PSMA1: variants seen among roughly 807,000 people sequenced by gnomAD.
PSMA1 encodes the protein proteasome 20S subunit alpha 1, also known as proteasome subunit alpha type-1.
A neutral mutation model predicts 38.4 loss-of-function variants in PSMA1; 3 were observed. That is an observed-to-expected ratio of 0.08 (90% CI 0.04 to 0.20). PSMA1 has a LOEUF of 0.20. PSMA1 is among the 10% of genes least tolerant of loss of function. The pLI, the probability that PSMA1 is intolerant of heterozygous loss-of-function variation, is 1.00. For missense variants in PSMA1, 227 were observed against 325.3 expected (o/e 0.70, Z 2.32); for synonymous variants, 101 against 107.1 (o/e 0.94, Z 0.35).
chr11:14,574,883 G>A (rs1852194072), intron 2 of PSMA1, among the ~76,000 whole-genome samples: 1 of 152,178 alleles, frequency 6.6e-6, no homozygotes, highest in African/African-American at 2.4e-5. Context: ...TACCACTATA[G>A]TGGGGTGCTG....
At chr11:14,547,894 G>A (rs1454625575) in intron 2 of PSMA1, among the ~76,000 whole-genome samples, 1 of 152,088 alleles carries the variant, frequency 6.6e-6, no homozygotes, top group Non-Finnish European at 1.5e-5. Flanking sequence ...TCCCTACTTG[G>A]CTAACTTGAA....
chr11:14,608,391 T>A (rs921208843), intron 2 of PSMA1, among the ~76,000 whole-genome samples: 4 of 151,306 alleles, frequency 2.6e-5, no homozygotes, highest in Non-Finnish European at 5.9e-5. Context: ...AAGGGGAACA[T>A]CACACACCAG....
At chr11:14,584,449 T>A (rs1852316206) in intron 2 of PSMA1, among the ~76,000 whole-genome samples, 1 of 151,996 alleles carries the variant, frequency 6.6e-6, no homozygotes, top group South Asian at 2.1e-4. Flanking sequence ...GGCATCAAAA[T>A]AAGTGTCAGT....
At chr11:14,593,621 A>C (rs968386591) in intron 2 of PSMA1, among the ~76,000 whole-genome samples, 4 of 58,464 alleles carry the variant, frequency 6.8e-5, no homozygotes, top group Non-Finnish European at 1.0e-4. Flanking sequence ...AATGAGAGAG[A>C]GAGAGAGAGA....
intron 2 of PSMA1, among the ~76,000 whole-genome samples, chr11:14,530,793 T>C (rs1851638725): frequency 6.6e-6 from 1 of 151,158 alleles, no homozygotes. Context: ...TCCTAGCTAC[T>C]TAGGAGGCTG....
At chr11:14,611,064 A>C in exon 2 of PSMA1, 1 of 1,491,722 alleles carries the variant, frequency 6.7e-7, no homozygotes, top group East Asian at 2.3e-5. Flanking sequence ...GTCTTTTCCC[A>C]GCCTTGGAGG....
At chr11:14,538,161 A>G (rs7951597) in intron 2 of PSMA1, among the ~76,000 whole-genome samples, 10,585 of 152,196 alleles carry the variant, frequency 0.07, 469 homozygotes, top group East Asian at 0.16. Context: ...CATAGTTCCT[A>G]TGTATTTATA....
chr11:14,640,354 GT>G (rs1853183831), intron 1 of PSMA1, among the ~76,000 whole-genome samples: 1 of 152,174 alleles, frequency 6.6e-6, no homozygotes, highest in Admixed American at 6.5e-5. Context: ...ATTTTCTTCT[GT>G]TTTAATAGTC....
intron 1 of PSMA1, among the ~76,000 whole-genome samples, chr11:14,630,320 T>A (rs1158706256): frequency 1.3e-5 from 2 of 152,206 alleles, no homozygotes; most frequent in African/African-American, 4.8e-5. Flanking sequence ...ATAGCTCTTA[T>A]TATTTTGAGA....
chr11:14,630,215 GTGAGAGAGGGCATCCC>G (rs1437947477), intron 1 of PSMA1, among the ~76,000 whole-genome samples: 1 of 152,098 alleles, frequency 6.6e-6, no homozygotes, highest in East Asian at 1.9e-4. Flanking sequence ...AATAGGAGTG[GTGAGAGAGGGCATCCC>G]TGTCTTATGC....
intron 4 of PSMA1, among the ~76,000 whole-genome samples, chr11:14,515,728 A>G (rs559175922): frequency 2.0e-5 from 3 of 151,130 alleles, no homozygotes; most frequent in African/African-American, 7.3e-5. Flanking sequence ...TAATTTTTTT[A>G]TTTTTAGTAG....
At chr11:14,560,382 G>C (rs1013642460) in intron 2 of PSMA1, among the ~76,000 whole-genome samples, 2 of 152,152 alleles carry the variant, frequency 1.3e-5, no homozygotes, top group East Asian at 3.9e-4. Context: ...TACTCATTGT[G>C]TTCCTGTTCT....
In PSMA1 at chr11:14,579,623, G is replaced by A. The variant is rs117605762; in HGVS notation, c.21+31343C>T. On this transcript the variant is annotated intron_variant, in intron 2 of 10. Coordinates refer to the PSMA1 transcript ENST00000418988. The stretch of plus-strand genomic sequence containing the variant: ...CTATTATAATATAAATGCAGATTTT[G>A]TAGTATTTTAATAACAACTAAGGAA... 1.1e-3 allele frequency among the ~76,000 whole-genome samples: 163 copies of A among 149,614 alleles called. 3 individuals are homozygous for A. In the East Asian group the frequency reaches 0.022, roughly 20 times the overall value.
intron 2 of PSMA1, among the ~76,000 whole-genome samples, chr11:14,566,623 G>A (rs967915502): frequency 6.6e-6 from 1 of 152,128 alleles, no homozygotes; most frequent in East Asian, 1.9e-4. Context: ...CCAAACACAT[G>A]GCAATTAACT....
intron 9 of PSMA1, among the ~76,000 whole-genome samples, chr11:14,507,409 A>C (rs926008546): frequency 6.6e-6 from 1 of 151,530 alleles, no homozygotes; most frequent in Non-Finnish European, 1.5e-5. Context: ...CTCGTGATTC[A>C]CCCGCCTCGG....
In PSMA1 at chr11:14,620,067, CGTGTGTGTGTGT is replaced by C. The variant is rs141933385; in HGVS notation, c.-165-8928_-165-8917del. 1.2e-3 allele frequency among the ~76,000 whole-genome samples: 173 copies of C among 149,654 alleles called. 1 individual carries two copies. In the East Asian group the frequency reaches 0.013, roughly 11 times the overall value. On this transcript the variant is annotated intron_variant, in intron 1 of 10. Coordinates refer to the PSMA1 transcript ENST00000418988. The stretch of plus-strand genomic sequence containing the variant: ...GGTTATAAACACTCGTGTGTGTGTG[CGTGTGTGTGTGT>C]GTGTATGTGTATGTGTATGTTTAAA...
intron 1 of PSMA1, among the ~76,000 whole-genome samples, chr11:14,621,333 T>C (rs1333036213): frequency 6.6e-6 from 1 of 152,140 alleles, no homozygotes; most frequent in Non-Finnish European, 1.5e-5. Context: ...TGGAGTGCAG[T>C]AGCACCATCA....
At chr11:14,591,942 A>C (rs145382247) in intron 2 of PSMA1, among the ~76,000 whole-genome samples, 3,156 of 152,250 alleles carry the variant, frequency 0.021, 52 homozygotes, top group Non-Finnish European at 0.03. Flanking sequence ...CTTTAGGTCC[A>C]CGCTGCTTTT....
intron 5 of PSMA1, 95 bp downstream of exon 5, chr11:14,514,308 A>G (rs1356480021): frequency 7.0e-7 from 1 of 1,431,014 alleles, no homozygotes; most frequent in African/African-American, 1.5e-5. Flanking sequence ...TCACAATCTT[A>G]CCTATGTCAT....
Sources: gnomAD v4.1 joint callset for allele counts (sites outside exome capture counted in the v4.1 genomes callset) on GRCh38, gnomAD v4.1.1 for gene constraint, MANE v1.5 for transcripts, NCBI Gene and HGNC (gene_info 2026-07-23, HGNC 2026-07-21) for gene names.